The following COL4A1 variants were observed in gnomAD, a reference collection of about 807,000 sequenced individuals.
COL4A1 encodes collagen type IV alpha 1 chain, also known as collagen alpha-1(IV) chain.
In COL4A1, 40 loss-of-function variants were observed where a neutral mutation model predicts 216.6. The observed-to-expected ratio is 0.18, with a 90% CI of 0.14 to 0.24. The LOEUF is 0.24. Ranked by LOEUF, COL4A1 falls within the 10% of genes least tolerant of loss-of-function variation. The pLI, the probability that COL4A1 is intolerant of heterozygous loss-of-function variation, is 1.00. For synonymous variants in COL4A1, 839 were observed against 810.7 expected (o/e 1.03, Z -0.59); for missense variants, 1,628 against 2,196.8 (o/e 0.74, Z 5.18).
chr13:110,279,828 C>T (rs1213645384), intron 1 of COL4A1, among the ~76,000 whole-genome samples: 2 of 152,190 alleles, frequency 1.3e-5, no homozygotes, highest in Non-Finnish European at 2.9e-5. Flanking sequence ...CAGTGAGTCC[C>T]TTCTGCAGTG....
At chr13:110,283,028 C>T (rs1883699549) in intron 1 of COL4A1, among the ~76,000 whole-genome samples, 4 of 152,076 alleles carry the variant, frequency 2.6e-5, no homozygotes, top group South Asian at 4.1e-4. Context: ...AGCATAAAGG[C>T]TTCAGTTAGT....
At chr13:110,260,592 C>T (rs535375263) in intron 1 of COL4A1, among the ~76,000 whole-genome samples, 33 of 152,306 alleles carry the variant, frequency 2.2e-4, no homozygotes, top group African/African-American at 7.2e-4. Context: ...GAGATGAAGA[C>T]GGAATGCATG....
At position 110,176,544 on chromosome 13, in the gene COL4A1, T is replaced by G. The variant is rs1975514; in HGVS notation, c.2969-31A>C. 6 of 1,598,272 alleles carry G rather than the reference T, an allele frequency of 3.8e-6. No homozygotes were observed. In the African/African-American group the frequency reaches 8.0e-5, roughly 21 times the overall value. Reference sequence around the variant, plus strand: ...ACCATAAAGAAAGCAGTCTGACAGGTTGACATCTACAGAAAGAGCTGGGGA... The same window carrying G: ...ACCATAAAGAAAGCAGTCTGACAGGGTGACATCTACAGAAAGAGCTGGGGA... On this transcript the variant is annotated intron_variant, in intron 35 of 51. Transcript: ENST00000375820.
At chr13:110,242,934 A>T (rs1228277318) in intron 1 of COL4A1, among the ~76,000 whole-genome samples, 200 bp from the exon 2 acceptor site, 3 of 149,942 alleles carry the variant, frequency 2.0e-5, no homozygotes, top group Admixed American at 6.6e-5. Flanking sequence ...CCAAATAGAT[A>T]AAAAAAAATC....
chr13:110,273,860 G>C lies in COL4A1; in HGVS notation c.85-31126C>G, dbSNP rs538038392. 7.9e-5 allele frequency among the ~76,000 whole-genome samples: 12 copies of C among 152,304 alleles called. No individual in the cohort carries two copies. In the South Asian group the frequency reaches 2.5e-3, roughly 32 times the overall value. ...GGTTGCAGACGCGCATCTGCCAAAA[G>C]AGCATTACAACTGAGACACACTGAG... On this transcript the variant is annotated intron_variant, in intron 1 of 51. Coordinates refer to ENST00000375820, the MANE Select transcript of COL4A1 (RefSeq NM_001845.6).
In COL4A1 at chr13:110,253,056, TG is replaced by T. The variant is rs1437216930; in HGVS notation, c.85-10323del. On this transcript the variant is annotated intron_variant, in intron 1 of 51. Coordinates refer to ENST00000375820, the MANE Select transcript of COL4A1 (RefSeq NM_001845.6). Reference sequence around the variant, plus strand: ...ATATACATATAACTATAAGTACGTATGTATTACATATACATATAACTATAAG... The same window carrying T: ...ATATACATATAACTATAAGTACGTATTATTACATATACATATAACTATAAG... Among the ~76,000 whole-genome samples, 19 of 86,838 alleles carry T rather than the reference TG, an allele frequency of 2.2e-4. 6 individuals are homozygous for T. Among genetic ancestry groups the T allele is most frequent in the East Asian group, 3.6e-4 (1 of 2,756 alleles). 57.0% of individuals were successfully genotyped at this position (86,838 alleles called of 152,430 possible).
chr13:110,196,837 A>G (rs1878914815), intron 21 of COL4A1, among the ~76,000 whole-genome samples: 1 of 152,250 alleles, frequency 6.6e-6, no homozygotes. Flanking sequence ...TTAATGCTCT[A>G]TCGATAAGTC....
intron 49 of COL4A1, among the ~76,000 whole-genome samples, chr13:110,158,218 A>G (rs1876882464): frequency 1.3e-5 from 1 of 78,526 alleles, no homozygotes; most frequent in Non-Finnish European, 2.4e-5. Flanking sequence ...GACCTATAAA[A>G]TAAGTTTTCT....
chr13:110,235,914 C>T (rs977819534), intron 2 of COL4A1, among the ~76,000 whole-genome samples: 1 of 151,936 alleles, frequency 6.6e-6, no homozygotes, highest in South Asian at 2.1e-4. Flanking sequence ...GAGGAAAGAT[C>T]ATGGAAATAA....
Position 110,206,903 on chromosome 13 carries a change from CGA to C in COL4A1, c.781-14_781-13del, listed in dbSNP as rs1594581164. ...TCACCTTTTTGGCCCTGAAAGAATT[CGA>C]GAGACAGATCAGCACTATCAAACAG... On this transcript the variant is annotated splice_polypyrimidine_tract_variant and intron_variant, in intron 13 of 51. Transcript: ENST00000375820. 1 of 1,613,380 alleles carries C rather than the reference CGA, an allele frequency of 6.2e-7. No homozygotes were observed. Among genetic ancestry groups the C allele is most frequent in the Non-Finnish European group, 8.5e-7 (1 of 1,179,918 alleles).
intron 1 of COL4A1, among the ~76,000 whole-genome samples, chr13:110,296,103 G>A (rs1227032958): frequency 6.6e-6 from 1 of 152,224 alleles, no homozygotes; most frequent in Non-Finnish European, 1.5e-5. Flanking sequence ...CCCATAAATC[G>A]CTTACAGGAA....
At chr13:110,219,844 G>A (rs1484606597) in intron 2 of COL4A1, among the ~76,000 whole-genome samples, 11 of 119,046 alleles carry the variant, frequency 9.2e-5, no homozygotes, top group Non-Finnish European at 1.5e-4. Context: ...ATGTATATAT[G>A]TGTATATATA....
chr13:110,292,053 C>T (rs188832330), intron 1 of COL4A1, among the ~76,000 whole-genome samples: 1 of 152,342 alleles, frequency 6.6e-6, no homozygotes, highest in Non-Finnish European at 1.5e-5. Context: ...TTCGCCAAAA[C>T]TGTCTTTCCG....
At chr13:110,228,692 C>T (rs922447117) in intron 2 of COL4A1, among the ~76,000 whole-genome samples, 2 of 152,214 alleles carry the variant, frequency 1.3e-5, no homozygotes, top group South Asian at 2.1e-4. Flanking sequence ...TTTGGGTTCA[C>T]GGCCTTATCC....
rs1446777990 is a variant in COL4A1, at chr13:110,268,683, G to A, written c.85-25949C>T. On this transcript the variant is annotated intron_variant, in intron 1 of 51. Coordinates refer to ENST00000375820, the MANE Select transcript of COL4A1 (RefSeq NM_001845.6). The surrounding 1 kb of genome is among the most constrained non-coding windows in gnomAD (Gnocchi z 4.1). ...CAAGGGGCTCTACCTCTCCAAACCC[G>A]GGTGCCTTGTCCATGACCCCATGTG... Among the ~76,000 whole-genome samples the A allele has an allele frequency of 6.6e-6, 1 of 152,134 alleles. No homozygotes were observed. Among genetic ancestry groups the A allele is most frequent in the African/African-American group, 2.4e-5 (1 of 41,416 alleles).
rs1250250759 is a variant in COL4A1 at position 110,178,149 on chromosome 13, A to C, written c.2541T>G (p.Ala847=). 1.5e-5 allele frequency: 25 copies of C among 1,614,048 alleles called. No individual in the cohort carries two copies. Among genetic ancestry groups the C allele is most frequent in the Non-Finnish European group, 1.9e-5 (23 of 1,180,032 alleles). The change falls in exon 32 of 52, where the codon GCT becomes GCG. Residue 847 remains alanine, a synonymous_variant. Coordinates refer to ENST00000375820, the MANE Select transcript of COL4A1 (RefSeq NM_001845.6). The part of the protein sequence containing the change: ...DMPGPKGDKG[A]QGLPGITGQS... ...GTCCCGTTATGCCAGGGAGTCCTTG[A>C]GCCCCTTTATCTCCTTTAGGGCCCG...
At position 110,211,829 on chromosome 13, in the gene COL4A1, C is replaced by T. The variant is rs776413153; in HGVS notation, c.441+40G>A. On this transcript the variant is annotated intron_variant, in intron 7 of 51. Transcript: ENST00000375820. This position sits in a 1 kb window ranked among gnomAD's most constrained non-coding sequence, Gnocchi z 4.3. Reference sequence around the variant, plus strand: ...TGGAATGAAAAGAGAGAAGTCATAACTAAAAGAAAGAAGTTCTGCCCTAAA... The same window carrying T: ...TGGAATGAAAAGAGAGAAGTCATAATTAAAAGAAAGAAGTTCTGCCCTAAA... The T allele has an allele frequency of 4.3e-6, 7 of 1,609,260 alleles. No individual in the cohort carries two copies. Among genetic ancestry groups the T allele is most frequent in the South Asian group, 3.3e-5 (3 of 90,868 alleles).
intron 1 of COL4A1, among the ~76,000 whole-genome samples, chr13:110,244,377 C>T (rs750411197): frequency 6.6e-6 from 1 of 152,096 alleles, no homozygotes; most frequent in Non-Finnish European, 1.5e-5. Flanking sequence ...TTTTCTCTGA[C>T]TCACATTTTA....
At chr13:110,171,329 G>C (rs974990826) in intron 41 of COL4A1, among the ~76,000 whole-genome samples, 1 of 152,090 alleles carries the variant, frequency 6.6e-6, no homozygotes. Flanking sequence ...CAGGAGGGGG[G>C]GATTATGAAG....
Sources: allele counts gnomAD v4.1 joint callset (sites outside exome capture counted in the v4.1 genomes callset), GRCh38; gene constraint gnomAD v4.1.1; non-coding constraint Gnocchi (gnomAD v3.1); transcripts MANE v1.5; gene names NCBI Gene and HGNC (gene_info 2026-07-23, HGNC 2026-07-21).